Variants in RIMBP2 observed in about 807,000 individuals in gnomAD.
The protein encoded by RIMBP2 is RIMS-binding protein 2.
Under a neutral mutation model 118.6 loss-of-function variants are expected in RIMBP2, and 48 were observed. The ratio of observed to expected loss-of-function variants is 0.40; its 90% CI spans 0.32 to 0.51. The LOEUF (loss-of-function observed/expected upper bound fraction) is 0.51. Ranked by LOEUF, RIMBP2 falls within the 20% of genes least tolerant of loss-of-function variation. The probability of loss-of-function intolerance (pLI) is 0.41; values close to 1 mark genes in which losing one functional copy is unlikely to be tolerated. For missense variants in RIMBP2, 1,551 were observed against 1,768.3 expected (o/e 0.88, Z 2.20); for synonymous variants, 762 against 742.9 (o/e 1.03, Z -0.42).
intron 2 of RIMBP2, among the ~76,000 whole-genome samples, chr12:130,531,870 G>C (rs1474551351): frequency 6.6e-6 from 1 of 151,566 alleles, no homozygotes; most frequent in East Asian, 1.9e-4. Flanking sequence ...TAGCCTCTAG[G>C]AGTTACGTCT....
intron 4 of RIMBP2, among the ~76,000 whole-genome samples, chr12:130,506,220 C>T (rs949423709): frequency 1.3e-5 from 2 of 151,970 alleles, no homozygotes; most frequent in Non-Finnish European, 2.9e-5. Context: ...TACCTGTACC[C>T]CCTGATAGAG....
chr12:130,652,104 T>C (rs1445180876), intron 1 of RIMBP2, among the ~76,000 whole-genome samples: 1 of 152,236 alleles, frequency 6.6e-6, no homozygotes, highest in Non-Finnish European at 1.5e-5. Flanking sequence ...TAAATACTCT[T>C]CTTCATATAA....
intron 19 of RIMBP2, among the ~76,000 whole-genome samples, 167 bp downstream of exon 19, chr12:130,412,452 C>T (rs11060868): frequency 0.37 from 56,657 of 151,966 alleles, 11,603 homozygotes; most frequent in African/African-American, 0.53. Flanking sequence ...AGTCCTGGTT[C>T]GTAGGGTGGC....
intron 7 of RIMBP2, among the ~76,000 whole-genome samples, chr12:130,451,685 G>A (rs527927940): frequency 6.6e-5 from 10 of 151,692 alleles, no homozygotes; most frequent in Admixed American, 1.3e-4. Context: ...CAGGGAGGCC[G>A]CAAACCTCCT....
In RIMBP2 at chr12:130,525,168, G is replaced by A. The variant is rs867046640; in HGVS notation, c.-216-7251C>T. ...CAAGCATCACAAATGGGCATGAGCCGTTCCTGTAGAGTGCAGGGCAGAAGC... is the reference window on the plus strand; with the variant it reads ...CAAGCATCACAAATGGGCATGAGCCATTCCTGTAGAGTGCAGGGCAGAAGC... On this transcript the variant is annotated intron_variant, in intron 2 of 22. Transcript: ENST00000690449. The surrounding 1 kb of genome is among the most constrained non-coding windows in gnomAD (Gnocchi z 4.4). Among the ~76,000 whole-genome samples the A allele has an allele frequency of 8.5e-5, 13 of 152,214 alleles. No individual in the cohort carries two copies. Among genetic ancestry groups the A allele is most frequent in the Admixed American group, 2.0e-4 (3 of 15,288 alleles).
intron 2 of RIMBP2, among the ~76,000 whole-genome samples, chr12:130,524,856 G>A (rs1245901446): frequency 6.6e-6 from 1 of 152,216 alleles, no homozygotes; most frequent in Non-Finnish European, 1.5e-5. Flanking sequence ...AGAAAAGAAG[G>A]TGCCACATTC....
intron 15 of RIMBP2, chr12:130,427,497 AAG>A (rs1162863440): frequency 6.6e-6 from 1 of 152,320 alleles, no homozygotes; most frequent in East Asian, 1.9e-4. Flanking sequence ...GACCAAGGGA[AAG>A]CCACGTGGAT....
chr12:130,709,134 C>G (rs1195589), intron 1 of RIMBP2, among the ~76,000 whole-genome samples: 150,540 of 152,386 alleles, frequency 0.99, 74,383 homozygotes, highest in Middle Eastern at 1. Context: ...GTTTACACAA[C>G]TTCCCATCTT....
chr12:130,541,161 C>G (rs1432127292), intron 2 of RIMBP2, among the ~76,000 whole-genome samples: 1 of 152,208 alleles, frequency 6.6e-6, no homozygotes, highest in Non-Finnish European at 1.5e-5. Flanking sequence ...GAGCAGAGCA[C>G]ACTGCACTCC....
intron 1 of RIMBP2, among the ~76,000 whole-genome samples, chr12:130,641,779 G>A (rs1024044889): frequency 2.6e-5 from 4 of 152,166 alleles, no homozygotes; most frequent in Admixed American, 6.5e-5. Flanking sequence ...TGGCTGGAGA[G>A]TAAACCAGGA....
rs2078120647 is a variant in RIMBP2, at chr12:130,441,415, A to G, written c.1504+433T>C. On this transcript the variant is annotated intron_variant, in intron 11 of 22. Coordinates refer to ENST00000690449, the MANE Select transcript of RIMBP2 (RefSeq NM_001393629.1). ...GACTCCATCTCAAATAATAATAATAATAATAATAATAATAATAATAATAAT... is the reference window on the plus strand; with the variant it reads ...GACTCCATCTCAAATAATAATAATAGTAATAATAATAATAATAATAATAAT... 2.9e-5 allele frequency among the ~76,000 whole-genome samples: 4 copies of G among 139,032 alleles called. No individual in the cohort carries two copies. In the South Asian group the frequency reaches 8.6e-4, roughly 30 times the overall value. The allele number at this position is 139,032 out of a possible 152,430, so 91.2% of individuals were successfully genotyped here.
chr12:130,584,949 G>T lies in RIMBP2; in HGVS notation c.-217+43373C>A, dbSNP rs527620154. 2.6e-5 allele frequency among the ~76,000 whole-genome samples: 4 copies of T among 152,098 alleles called. No individual in the cohort carries two copies. In the East Asian group the frequency reaches 7.7e-4, roughly 29 times the overall value. ...TATGTCACCCAGGCTGGAATGCAGTGTCATGATCATAGCTCACTGCAGCCT... is the reference window on the plus strand; with the variant it reads ...TATGTCACCCAGGCTGGAATGCAGTTTCATGATCATAGCTCACTGCAGCCT... On this transcript the variant is annotated intron_variant, in intron 2 of 22. Transcript: ENST00000690449.
intron 1 of RIMBP2, chr12:130,657,836 A>G (rs2063494142): frequency 6.6e-6 from 1 of 152,180 alleles, no homozygotes; most frequent in African/African-American, 2.4e-5. Context: ...GCGATCCCCA[A>G]CCTCTGATGT....
intron 2 of RIMBP2, among the ~76,000 whole-genome samples, chr12:130,572,069 T>C (rs2057714280): frequency 6.6e-6 from 1 of 152,202 alleles, no homozygotes; most frequent in South Asian, 2.1e-4. Context: ...GTCTCCCAGC[T>C]AGCAGGTGCT....
chr12:130,678,171 G>T (rs1183264348), intron 1 of RIMBP2, among the ~76,000 whole-genome samples: 1 of 152,212 alleles, frequency 6.6e-6, no homozygotes, highest in Non-Finnish European at 1.5e-5. Context: ...CCTCTGCCTG[G>T]ATTAGAGCCA....
At chr12:130,645,490 C>G (rs1464519253) in intron 1 of RIMBP2, among the ~76,000 whole-genome samples, 2 of 152,212 alleles carry the variant, frequency 1.3e-5, no homozygotes, top group African/African-American at 4.8e-5. Context: ...GTTAACCAGC[C>G]AGCACCTTCC....
chr12:130,408,318 T>C (rs2136396642), intron 19 of RIMBP2, among the ~76,000 whole-genome samples: 1 of 152,372 alleles, frequency 6.6e-6, no homozygotes, highest in South Asian at 2.1e-4. Context: ...ACTAAGGCAC[T>C]GTCCTCAGGA....
At chr12:130,555,893 G>A (rs868693226) in intron 2 of RIMBP2, among the ~76,000 whole-genome samples, 32 of 152,182 alleles carry the variant, frequency 2.1e-4, no homozygotes, top group African/African-American at 5.5e-4. Context: ...AAAGGCAGCC[G>A]TGCAGGCCGG....
intron 5 of RIMBP2, among the ~76,000 whole-genome samples, chr12:130,477,957 C>T (rs559907149): frequency 1.1e-3 from 168 of 152,282 alleles, no homozygotes; most frequent in African/African-American, 4.0e-3. Context: ...ACACTGGGCT[C>T]TGGAAGGAAA....
Sources: gnomAD v4.1 joint callset for allele counts (sites outside exome capture counted in the v4.1 genomes callset) on GRCh38, gnomAD v4.1.1 for gene constraint, Gnocchi (gnomAD v3.1) non-coding constraint, MANE v1.5 for transcripts, NCBI Gene and HGNC (gene_info 2026-07-23, HGNC 2026-07-21) for gene names.